NRXN1: variants seen among roughly 807,000 people sequenced by gnomAD.
The protein encoded by NRXN1 is neurexin-1.
NRXN1 carries 39 observed loss-of-function variants against 150.9 expected under a neutral mutation model. The ratio of observed to expected loss-of-function variants is 0.26; its 90% CI spans 0.20 to 0.34. The LOEUF is 0.34. Ranked by LOEUF, NRXN1 falls within the 10% of genes least tolerant of loss-of-function variation. The pLI is 1.00. For missense variants in NRXN1, 1,815 were observed against 1,949.9 expected (o/e 0.93, Z 1.30); for synonymous variants, 924 against 757.0 (o/e 1.22, Z -3.62).
At chr2:50,012,403 G>C (rs994548855) in intron 21 of NRXN1, among the ~76,000 whole-genome samples, 1 of 152,192 alleles carries the variant, frequency 6.6e-6, no homozygotes, top group African/African-American at 2.4e-5. Flanking sequence ...AGACAAGTAA[G>C]TTATAATTCA....
At chr2:50,262,635 T>A (rs1180795054) in intron 17 of NRXN1, among the ~76,000 whole-genome samples, 2 of 151,986 alleles carry the variant, frequency 1.3e-5, no homozygotes, top group East Asian at 3.9e-4. Flanking sequence ...TCTATTGTCA[T>A]AAATATGACT....
In NRXN1 at chr2:49,931,596, T is replaced by G. The variant is rs1403645047; in HGVS notation, c.4217-9345A>C. On this transcript the variant is annotated intron_variant, in intron 22 of 22. Transcript: ENST00000401669. Reference sequence around the variant, plus strand: ...GTTGCTATTGGAATTGAAAAGGGTCTCTTTACTCAGGCCCAACTTTCCATA... The same window carrying G: ...GTTGCTATTGGAATTGAAAAGGGTCGCTTTACTCAGGCCCAACTTTCCATA... Among the ~76,000 whole-genome samples, 4 of 152,082 alleles carry G rather than the reference T, an allele frequency of 2.6e-5. No individual in the cohort carries two copies. The Middle Eastern group carries it at 0.01, about 388-fold the overall frequency.
chr2:49,994,228 G>C (rs1682531137), intron 21 of NRXN1, among the ~76,000 whole-genome samples: 1 of 152,078 alleles, frequency 6.6e-6, no homozygotes, highest in African/African-American at 2.4e-5. Flanking sequence ...AGACAAACCT[G>C]GGCTTCTCTG....
At chr2:50,359,547 A>G (rs776114163) in intron 17 of NRXN1, among the ~76,000 whole-genome samples, 1 of 151,906 alleles carries the variant, frequency 6.6e-6, no homozygotes, top group Non-Finnish European at 1.5e-5. Flanking sequence ...GCATGGAGAC[A>G]AGATTAGAGA....
At chr2:50,186,771 G>A (rs1264381480) in intron 18 of NRXN1, among the ~76,000 whole-genome samples, 1 of 151,858 alleles carries the variant, frequency 6.6e-6, no homozygotes, top group Non-Finnish European at 1.5e-5. Flanking sequence ...ATATTTTATT[G>A]AGGAGATATA....
In NRXN1 at chr2:50,674,092, T is replaced by G. The variant is rs1178033048; in HGVS notation, c.833-50477A>C. On this transcript the variant is annotated intron_variant, in intron 5 of 22. Coordinates refer to ENST00000401669, the MANE Select transcript of NRXN1 (RefSeq NM_001330078.2). ...TGCACATGTACCCCAGAACTTAAAG[T>G]ATAATAAAAAAAAGGAAAGTAACTC... 2.0e-5 allele frequency among the ~76,000 whole-genome samples: 3 copies of G among 151,530 alleles called. No homozygotes were observed. In the East Asian group the frequency reaches 5.8e-4, roughly 29 times the overall value.
chr2:50,481,962 G>T (rs572229270), intron 15 of NRXN1, among the ~76,000 whole-genome samples: 1,705 of 139,780 alleles, frequency 0.012, 14 homozygotes, highest in Non-Finnish European at 0.015. Flanking sequence ...TAGAGACGGG[G>T]TTTCACCGTT....
intron 8 of NRXN1, among the ~76,000 whole-genome samples, chr2:50,564,193 G>C (rs1056951033): frequency 1.3e-5 from 2 of 152,124 alleles, no homozygotes; most frequent in Admixed American, 6.5e-5. Context: ...TATCAAATGA[G>C]ATTATGAAAA....
rs1451586230 is a variant in NRXN1, at chr2:50,497,327, A to G, written c.2879+6T>C. On this transcript the variant is annotated splice_donor_region_variant and intron_variant, in intron 14 of 22. Coordinates refer to ENST00000401669, the MANE Select transcript of NRXN1 (RefSeq NM_001330078.2). ...TTTATTTGCTATTGAACAGGCATGT[A>G]CTCACCCTTTAACTAATTCAACCAC... is the stretch of plus-strand genomic sequence containing the variant. 2.0e-6 allele frequency: 3 copies of G among 1,520,554 alleles called. No individual in the cohort carries two copies. In the African/African-American group the frequency reaches 4.2e-5, roughly 21 times the overall value. The allele number at this position is 1,520,554 out of a possible 1,614,324, so 94.2% of individuals were successfully genotyped here. A position where few individuals can be genotyped will look rare whatever the true frequency, so the allele number is the denominator to read the frequency against.
chr2:49,990,333 C>A (rs1002404740), intron 21 of NRXN1, among the ~76,000 whole-genome samples: 7 of 151,992 alleles, frequency 4.6e-5, no homozygotes, highest in Admixed American at 3.9e-4. Flanking sequence ...TCTAAGAGCA[C>A]AGCGAGGAAA....
intron 18 of NRXN1, among the ~76,000 whole-genome samples, chr2:50,189,077 T>C (rs566036380): frequency 4.6e-5 from 7 of 152,338 alleles, no homozygotes; most frequent in African/African-American, 1.7e-4. Flanking sequence ...CGTATGTTTA[T>C]TGCAGCACTG....
intron 18 of NRXN1, among the ~76,000 whole-genome samples, chr2:50,163,892 T>G (rs919458777): frequency 1.3e-5 from 2 of 152,184 alleles, no homozygotes; most frequent in African/African-American, 2.4e-5. Context: ...ATACTTTATC[T>G]TATTGCAACT....
chr2:50,378,379 T>C (rs2080686627), intron 17 of NRXN1, among the ~76,000 whole-genome samples: 1 of 152,172 alleles, frequency 6.6e-6, no homozygotes, highest in African/African-American at 2.4e-5. Flanking sequence ...TTCAATGCAC[T>C]TGATCTATGG....
At chr2:50,502,473 C>CA (rs1406529314) in intron 13 of NRXN1, among the ~76,000 whole-genome samples, 1 of 150,966 alleles carries the variant, frequency 6.6e-6, no homozygotes, top group Non-Finnish European at 1.5e-5. Context: ...CACACACACT[C>CA]AGACACACAA....
In NRXN1 at chr2:50,921,897, AT is replaced by A; in HGVS notation, c.821-18del. 7.2e-7 allele frequency: 1 copy of A among 1,395,664 alleles called. No homozygotes were observed. Among genetic ancestry groups the A allele is most frequent in the Non-Finnish European group, 9.6e-7 (1 of 1,044,332 alleles). The allele number at this position is 1,395,664 out of a possible 1,614,324, so 86.5% of individuals were successfully genotyped here. On this transcript the variant is annotated intron_variant, in intron 4 of 22. Coordinates refer to ENST00000401669, the MANE Select transcript of NRXN1 (RefSeq NM_001330078.2). Reference sequence around the variant, plus strand: ...TACTTTTACCTATGGATTTGATGAAATGGGTCCATGAAGAAAGGGTTTCCAG... The same window carrying A: ...TACTTTTACCTATGGATTTGATGAAAGGGTCCATGAAGAAAGGGTTTCCAG...
At chr2:50,980,056 A>G (rs1696541169) in intron 2 of NRXN1, among the ~76,000 whole-genome samples, 2 of 152,148 alleles carry the variant, frequency 1.3e-5, no homozygotes, top group African/African-American at 2.4e-5. Context: ...CTAGATTTGC[A>G]TATCGTTCTC....
intron 5 of NRXN1, chr2:50,919,446 AAAG>A (rs1192061866): frequency 2.0e-5 from 3 of 151,810 alleles, no homozygotes; most frequent in African/African-American, 7.2e-5. Flanking sequence ...AAGAATTCAT[AAAG>A]AAGAAATCAA....
At chr2:50,708,053 T>C (rs780793544) in intron 5 of NRXN1, among the ~76,000 whole-genome samples, 9 of 152,218 alleles carry the variant, frequency 5.9e-5, no homozygotes, top group Non-Finnish European at 1.0e-4. Context: ...ATCTTTGATA[T>C]ATGTAGGAAT....
At chr2:50,615,972 T>G (rs1012973336) in intron 8 of NRXN1, 6 of 152,198 alleles carry the variant, frequency 3.9e-5, no homozygotes, top group African/African-American at 1.4e-4. Context: ...AGTGTTGCCT[T>G]TGCAAAAATC....
Sources: allele counts gnomAD v4.1 joint callset (sites outside exome capture counted in the v4.1 genomes callset), GRCh38; gene constraint gnomAD v4.1.1; transcripts MANE v1.5; gene names NCBI Gene and HGNC (gene_info 2026-07-23, HGNC 2026-07-21).